The following KIF6 variants were observed in gnomAD, a reference collection of about 807,000 sequenced individuals.
KIF6 encodes kinesin-like protein KIF6.
Under a neutral mutation model 112.7 loss-of-function variants are expected in KIF6, and 106 were observed. That is an observed-to-expected ratio of 0.94 (90% CI 0.80 to 1.11). The LOEUF is 1.11. KIF6 is among the 50% of genes least tolerant of loss of function. The pLI is 0.00. For missense variants in KIF6, 929 were observed against 964.0 expected (o/e 0.96, Z 0.48); for synonymous variants, 339 against 339.9 (o/e 1.00, Z 0.03).
intron 15 of KIF6, among the ~76,000 whole-genome samples, chr6:39,389,298 C>T (rs551746784): frequency 6.6e-5 from 10 of 152,226 alleles, no homozygotes; most frequent in East Asian, 3.9e-4. Context: ...TTCACGTGAA[C>T]GCTGCTTGGC....
intron 2 of KIF6, among the ~76,000 whole-genome samples, chr6:39,718,165 G>A (rs1489604542): frequency 1.4e-5 from 2 of 147,086 alleles, no homozygotes; most frequent in Non-Finnish European, 3.0e-5. Flanking sequence ...AGGAAGCGGA[G>A]GTTGCAGTGA....
At chr6:39,590,458 T>A (rs1459548924) in intron 7 of KIF6, among the ~76,000 whole-genome samples, 5 of 144,238 alleles carry the variant, frequency 3.5e-5, no homozygotes, top group African/African-American at 1.3e-4. Flanking sequence ...TATATTTTTT[T>A]TTTTTTTTTG....
chr6:39,549,273 G>A (rs1779238321), intron 10 of KIF6, among the ~76,000 whole-genome samples: 2 of 151,444 alleles, frequency 1.3e-5, no homozygotes, highest in Admixed American at 6.6e-5. Flanking sequence ...TAAAAATTTA[G>A]GTTTAATAGC....
At chr6:39,464,324 T>C (rs1773661496) in intron 13 of KIF6, among the ~76,000 whole-genome samples, 1 of 152,212 alleles carries the variant, frequency 6.6e-6, no homozygotes. Flanking sequence ...AACATATTTA[T>C]TTTGGCTGCT....
chr6:39,482,232 G>C (rs1252085804), intron 13 of KIF6, among the ~76,000 whole-genome samples: 1 of 152,166 alleles, frequency 6.6e-6, no homozygotes, highest in African/African-American at 2.4e-5. Context: ...TAACCATTTT[G>C]TATAACAGGC....
At chr6:39,502,169 T>C (rs779577375) in intron 13 of KIF6, among the ~76,000 whole-genome samples, 2 of 152,098 alleles carry the variant, frequency 1.3e-5, no homozygotes, top group East Asian at 1.9e-4. Flanking sequence ...CCGGAAGAGA[T>C]TGTGGGCCAA....
intron 14 of KIF6, among the ~76,000 whole-genome samples, chr6:39,425,651 A>C (rs957344675): frequency 7.5e-6 from 1 of 132,770 alleles, no homozygotes; most frequent in African/African-American, 2.9e-5. Context: ...ATTCACAAAC[A>C]AAAAAAGTGT....
chr6:39,711,339 C>A (rs138579987), intron 3 of KIF6, among the ~76,000 whole-genome samples: 4 of 148,306 alleles, frequency 2.7e-5, no homozygotes, highest in Non-Finnish European at 5.9e-5. Flanking sequence ...GCATGGACAT[C>A]TTTTCAACAA....
rs762915573 is a variant in KIF6 at position 39,540,064 on chromosome 6, G to A, written c.1584C>T (p.Pro528=). The A allele has an allele frequency of 1.9e-6, 3 of 1,614,040 alleles. No individual in the cohort carries two copies. In the Admixed American group the frequency reaches 5.0e-5, roughly 27 times the overall value. ...EGQRMRLSSA[P]SQAQDFSILG... is the part of the protein sequence containing the mutation. Reference sequence around the variant, plus strand: ...AAATGCTGAAGTCCTGGGCCTGTGAGGGAGCTGAGGATAGTCGCATTCTTT... The same window carrying A: ...AAATGCTGAAGTCCTGGGCCTGTGAAGGAGCTGAGGATAGTCGCATTCTTT... The change falls in exon 13 of 23, where the codon CCC becomes CCT. Residue 528 remains proline (P), a synonymous_variant. Transcript: ENST00000287152.
At chr6:39,413,487 G>A (rs750519806) in intron 15 of KIF6, among the ~76,000 whole-genome samples, 8 of 152,164 alleles carry the variant, frequency 5.3e-5, no homozygotes, top group Non-Finnish European at 1.0e-4. Context: ...GTCAGTCAGA[G>A]TGTTTTATTC....
intron 9 of KIF6, among the ~76,000 whole-genome samples, chr6:39,580,883 T>C (rs1322677623): frequency 6.6e-6 from 1 of 152,204 alleles, no homozygotes; most frequent in African/African-American, 2.4e-5. Context: ...AAATTTTGTT[T>C]TAACTTTTCT....
rs1230577907 is a variant in KIF6 at position 39,345,638 on chromosome 6, A to T, written c.2321+62T>A. 5 of 1,370,956 alleles carry T rather than the reference A, an allele frequency of 3.6e-6. 1 individual carries two copies. The South Asian group carries it at 6.4e-5, about 18-fold the overall frequency. 84.9% of individuals were successfully genotyped at this position (1,370,956 alleles called of 1,614,324 possible). The stretch of plus-strand genomic sequence containing the variant: ...GGCTTTTTCGGGGAGTAGACTGGAG[A>T]TGGAGGCCCACTCCGCCCACTGCAG... On this transcript the variant is annotated intron_variant, in intron 21 of 22. Coordinates refer to ENST00000287152, the MANE Select transcript of KIF6 (RefSeq NM_145027.6).
intron 13 of KIF6, among the ~76,000 whole-genome samples, chr6:39,432,138 C>T (rs1363701022): frequency 6.6e-6 from 1 of 152,214 alleles, no homozygotes; most frequent in Non-Finnish European, 1.5e-5. Flanking sequence ...GACACTGCCA[C>T]TTCACATGGC....
chr6:39,517,807 G>A (rs904483785), intron 13 of KIF6, among the ~76,000 whole-genome samples: 1 of 152,178 alleles, frequency 6.6e-6, no homozygotes, highest in Non-Finnish European at 1.5e-5. Context: ...AACAGACCTT[G>A]ATGCATTCAG....
At chr6:39,676,139 A>T (rs1435823038) in intron 3 of KIF6, among the ~76,000 whole-genome samples, 1 of 152,044 alleles carries the variant, frequency 6.6e-6, no homozygotes, top group Non-Finnish European at 1.5e-5. Flanking sequence ...AAGCACAATT[A>T]GTTCCAACTG....
chr6:39,664,439 G>A (rs757528278), intron 3 of KIF6, among the ~76,000 whole-genome samples: 3 of 152,176 alleles, frequency 2.0e-5, no homozygotes, highest in Non-Finnish European at 4.4e-5. Context: ...CTGGGATTAT[G>A]TGTCCTCTCA....
At chr6:39,363,143 C>G (rs1765293007) in intron 16 of KIF6, among the ~76,000 whole-genome samples, 1 of 152,156 alleles carries the variant, frequency 6.6e-6, no homozygotes, top group Non-Finnish European at 1.5e-5. Context: ...GAGAGAAACT[C>G]CATCTCAAAC....
intron 6 of KIF6, among the ~76,000 whole-genome samples, chr6:39,611,134 T>C (rs558801459): frequency 3.5e-4 from 53 of 152,184 alleles, no homozygotes; most frequent in Non-Finnish European, 2.5e-4. Context: ...GGCGAAACCC[T>C]GTCTCTACCA....
chr6:39,444,710 A>C (rs923912180), intron 13 of KIF6, among the ~76,000 whole-genome samples: 1 of 152,060 alleles, frequency 6.6e-6, no homozygotes, highest in Admixed American at 6.6e-5. Flanking sequence ...AATTTTTTCC[A>C]AAACGCTCCT....
Sources: allele counts gnomAD v4.1 joint callset (sites outside exome capture counted in the v4.1 genomes callset), GRCh38; gene constraint gnomAD v4.1.1; transcripts MANE v1.5; gene names NCBI Gene and HGNC (gene_info 2026-07-23, HGNC 2026-07-21).